Variants in NHS observed in about 807,000 individuals in gnomAD.
NHS encodes actin remodeling regulator NHS.
In NHS, 5 loss-of-function variants were observed where a neutral mutation model predicts 72.5. The observed-to-expected ratio is 0.07, with a 90% confidence interval of 0.04 to 0.14. The LOEUF is 0.14. NHS is among the 10% of genes least tolerant of loss of function. The probability of loss-of-function intolerance (pLI) is 1.00; values close to 1 mark genes in which losing one functional copy is unlikely to be tolerated. For missense variants in NHS, 1,072 were observed against 1,355.7 expected (o/e 0.79, Z 3.29); for synonymous variants, 464 against 547.7 (o/e 0.85, Z 2.13).
At chrX:17,561,632 C>T (rs377656358) in intron 1 of NHS, among the ~76,000 whole-genome samples, 1 of 99,098 alleles carries the variant, frequency 1.0e-5, no homozygotes, top group African/African-American at 3.7e-5. Flanking sequence ...CATGCCTTCC[C>T]AAGGTACTGG....
chrX:17,448,534 C>T (rs1330405322), intron 1 of NHS, among the ~76,000 whole-genome samples: 1 of 112,122 alleles, frequency 8.9e-6, no homozygotes, highest in Non-Finnish European at 1.9e-5. Flanking sequence ...TGGTGACTTC[C>T]AGCTCACATA....
intron 1 of NHS, among the ~76,000 whole-genome samples, chrX:17,529,721 A>G (rs2065190017): frequency 1.8e-5 from 2 of 111,957 alleles, no homozygotes; most frequent in African/African-American, 6.5e-5. Context: ...TTTCCCTTAA[A>G]GAAAAGAGAA....
At chrX:17,397,423 C>T (rs184023720) in intron 1 of NHS, among the ~76,000 whole-genome samples, 1 of 111,640 alleles carries the variant, frequency 9.0e-6, no homozygotes, top group Non-Finnish European at 1.9e-5. Flanking sequence ...GCTAACTGCC[C>T]ATGAGGGAGG....
Position 17,712,253 on chromosome X carries a change from GTATATATATATATATATA to G in NHS, c.853-7070_853-7053del, listed in dbSNP as rs1216194040. ...ATGCTTATTGGCCTTTTGTGTGTGTGTATATATATATATATATATATATATATATATATATATACACAC... is the reference window on the plus strand; with the variant it reads ...ATGCTTATTGGCCTTTTGTGTGTGTGTATATATATATATATATATACACAC... On this transcript the variant is annotated intron_variant, in intron 3 of 8. Coordinates refer to ENST00000676302, the MANE Select transcript of NHS (RefSeq NM_001291867.2). 3.0e-4 allele frequency among the ~76,000 whole-genome samples: 15 copies of G among 50,151 alleles called. No individual in the cohort carries two copies. In the South Asian group the frequency reaches 4.6e-3, roughly 15 times the overall value. The allele number at this position is 50,151 out of a possible 115,157, so 43.6% of individuals were successfully genotyped here.
chrX:17,411,275 A>C (rs7887722), intron 1 of NHS, among the ~76,000 whole-genome samples: 11,197 of 111,556 alleles, frequency 0.1, 1,415 homozygotes, highest in African/African-American at 0.35. Flanking sequence ...ACGTAGCTAT[A>C]ATTTTTCTTT....
At chrX:17,664,503 C>G (rs928953121) in intron 1 of NHS, among the ~76,000 whole-genome samples, 3 of 112,218 alleles carry the variant, frequency 2.7e-5, no homozygotes, top group African/African-American at 9.7e-5. Flanking sequence ...TTCAAACAAT[C>G]AGTTCAACTG....
intron 3 of NHS, among the ~76,000 whole-genome samples, chrX:17,704,452 C>A (rs1411377251): frequency 9.1e-6 from 1 of 110,059 alleles, no homozygotes; most frequent in East Asian, 2.9e-4. Context: ...AGTTACGCGC[C>A]ACCACGCCTG....
intron 1 of NHS, among the ~76,000 whole-genome samples, chrX:17,542,689 C>CAGAG (rs746365760): frequency 0.014 from 1,458 of 105,197 alleles, 28 homozygotes; most frequent in African/African-American, 0.042. Context: ...GTCCTGAATC[C>CAGAG]AGAGAGAGAG....
In NHS at chrX:17,692,364, C is replaced by G; in HGVS notation, c.748C>G (p.Gln250Glu). 2.5e-6 allele frequency: 3 copies of G among 1,210,851 alleles called. No homozygotes were observed. The highest frequency in any genetic ancestry group is 3.4e-6 in the Non-Finnish European group (3 of 895,258). Residue 250 changes from glutamine (Q) to glutamate (E), a missense_variant, in exon 3 of 9, where the codon CAA becomes GAA. By Grantham distance (29) the Gln-to-Glu change is conservative. Coordinates refer to ENST00000676302, the MANE Select transcript of NHS (RefSeq NM_001291867.2). ...CCGGAGCCGGAGCGATCGCCGAGAG[C>G]AAAGAGCAGCTGCCCCCCTTTCCAT... is the stretch of plus-strand genomic sequence containing the variant. Reference protein sequence around the residue: ...EHRSRSDRREQRAAAPLSIAA... With the variant: ...EHRSRSDRREERAAAPLSIAA...
At position 17,573,061 on chromosome X, in the gene NHS, T is replaced by C. The variant is rs367965215; in HGVS notation, c.566-114681T>C. On this transcript the variant is annotated intron_variant, in intron 1 of 8. Coordinates refer to ENST00000676302, the MANE Select transcript of NHS (RefSeq NM_001291867.2). ...GCAGAGAGATCAGCTGTTAGTCTGA[T>C]GGGCTTCCCTTTGTGGGTAACCCGA... 1.2e-4 allele frequency among the ~76,000 whole-genome samples: 14 copies of C among 112,507 alleles called. No homozygotes were observed. In the East Asian group the frequency reaches 3.4e-3, roughly 27 times the overall value.
At position 17,673,180 on chromosome X, in the gene NHS, AC is replaced by A. The variant is rs2066058664; in HGVS notation, c.566-14561del. Among the ~76,000 whole-genome samples, 8 of 12,865 alleles carry A rather than the reference AC, an allele frequency of 6.2e-4. No individual in the cohort carries two copies. In the East Asian group the frequency reaches 0.023, roughly 37 times the overall value. 11.2% of individuals were successfully genotyped at this position (12,865 alleles called of 115,157 possible). The stretch of plus-strand genomic sequence containing the variant: ...CCATTGCTTAGCTGGAAGATGAAAC[AC>A]ACACACACACACACACACACACACA... On this transcript the variant is annotated intron_variant, in intron 1 of 8. Transcript: ENST00000676302.
At chrX:17,695,297 T>G (rs1363204282) in intron 3 of NHS, among the ~76,000 whole-genome samples, 3 of 112,157 alleles carry the variant, frequency 2.7e-5, no homozygotes, top group Non-Finnish European at 5.6e-5. Context: ...CTGTTTACAA[T>G]GGGAAAGTTA....
At position 17,733,728 on chromosome X, in the gene NHS, T is replaced by C. The variant is rs1260937151; in HGVS notation, c.*1264T>C. The C allele has an allele frequency of 1.8e-5, 2 of 112,096 alleles. No homozygotes were observed. Among genetic ancestry groups the C allele is most frequent in the Non-Finnish European group, 3.8e-5 (2 of 53,202 alleles). 9.2% of individuals were successfully genotyped at this position (112,096 alleles called of 1,213,427 possible). A position where few individuals can be genotyped will look rare whatever the true frequency, so the allele number is the denominator to read the frequency against. ...GTATGTGTATATGCATTATTTATAC[T>C]CATTGTTAAACTGGGAATGGGGAAC... On this transcript the variant is annotated 3_prime_UTR_variant, in exon 9 of 9. Coordinates refer to ENST00000676302, the MANE Select transcript of NHS (RefSeq NM_001291867.2).
chrX:17,712,717 G>C (rs926397246), intron 3 of NHS, among the ~76,000 whole-genome samples: 3 of 109,365 alleles, frequency 2.7e-5, no homozygotes, highest in Non-Finnish European at 3.8e-5. Context: ...CCCTAATAAG[G>C]GTGCATTTTG....
At chrX:17,584,691 A>T (rs1265060215) in intron 1 of NHS, among the ~76,000 whole-genome samples, 2 of 111,812 alleles carry the variant, frequency 1.8e-5, no homozygotes, top group Admixed American at 9.4e-5. Flanking sequence ...GCCTCAGAAG[A>T]TGAAGCATTT....
In NHS at chrX:17,375,586, A is replaced by G. The variant is rs938808400; in HGVS notation, c.-172A>G. On this transcript the variant is annotated 5_prime_UTR_variant, in exon 1 of 9. Coordinates refer to ENST00000676302, the MANE Select transcript of NHS (RefSeq NM_001291867.2). ...GACTGGCTGGACTGATTTGCTAGGG[A>G]GAGGGCGGGGAAGAGGAGGCAAGGT... 2.8e-5 allele frequency: 13 copies of G among 471,744 alleles called. No homozygotes were observed. Among genetic ancestry groups the G allele is most frequent in the African/African-American group, 4.8e-5 (2 of 41,319 alleles). 38.9% of individuals were successfully genotyped at this position (471,744 alleles called of 1,213,427 possible). A position where few individuals can be genotyped will look rare whatever the true frequency, so the allele number is the denominator to read the frequency against.
At chrX:17,677,752 A>G (rs139814903) in intron 1 of NHS, among the ~76,000 whole-genome samples, 58 of 112,085 alleles carry the variant, frequency 5.2e-4, no homozygotes, top group African/African-American at 1.8e-3. Flanking sequence ...CCCACCTGGT[A>G]GAACATTATA....
At chrX:17,554,881 G>A (rs888287619) in intron 1 of NHS, among the ~76,000 whole-genome samples, 2 of 109,660 alleles carry the variant, frequency 1.8e-5, no homozygotes, top group Non-Finnish European at 3.8e-5. Flanking sequence ...TTAAGTTCTG[G>A]GATACATGTG....
At chrX:17,468,614 A>G (rs1430610524) in intron 1 of NHS, among the ~76,000 whole-genome samples, 1 of 110,638 alleles carries the variant, frequency 9.0e-6, no homozygotes, top group Non-Finnish European at 1.9e-5. Context: ...GTGCAGTGAC[A>G]TGATCATGGC....
Sources: gnomAD v4.1 joint callset for allele counts (sites outside exome capture counted in the v4.1 genomes callset) on GRCh38, gnomAD v4.1.1 for gene constraint, MANE v1.5 for transcripts, NCBI Gene and HGNC (gene_info 2026-07-23, HGNC 2026-07-21) for gene names.